Variants in NDRG1 observed in about 807,000 individuals in gnomAD.
The protein encoded by NDRG1 is protein NDRG1.
Under a neutral mutation model 56.9 loss-of-function variants are expected in NDRG1, and 32 were observed. The ratio of observed to expected loss-of-function variants is 0.56; its 90% CI spans 0.42 to 0.76. The LOEUF (loss-of-function observed/expected upper bound fraction) is 0.76, where lower values mean the gene tolerates loss of function less well. Among genes scored for constraint, NDRG1 ranks in the 30% least tolerant of loss-of-function variants. The pLI is 0.00. For synonymous variants in NDRG1, 211 were observed against 204.1 expected (o/e 1.03, Z -0.29); for missense variants, 507 against 545.7 (o/e 0.93, Z 0.71).
At position 133,280,265 on chromosome 8, in the gene NDRG1, G is replaced by C. The variant is rs750023131; in HGVS notation, c.66C>G (p.Thr22=). The C allele has an allele frequency of 6.2e-7, 1 of 1,614,042 alleles. No homozygotes were observed. Among genetic ancestry groups the C allele is most frequent in the Non-Finnish European group, 8.5e-7 (1 of 1,179,970 alleles). Residue 22 remains threonine (T), a splice_region_variant and synonymous_variant, in exon 3 of 16, where the codon ACC becomes ACG. Transcript: ENST00000323851. ...EVKPLVEKGE[T]ITGLLQEFDV... Reference sequence around the variant, plus strand: ...CAAACTCTTGCAGGAGGCCGGTGATGGTCTGTGAAAAGACAAAAAAAATTG... The same window carrying C: ...CAAACTCTTGCAGGAGGCCGGTGATCGTCTGTGAAAAGACAAAAAAAATTG...
In NDRG1 at chr8:133,259,177, T is replaced by C; in HGVS notation, c.380A>G (p.Gln127Arg). The part of the protein sequence containing the change: ...QLAEMLPGVL[Q>R]QFGLKSIIGM... Reference sequence around the variant, plus strand: ...GATCCTTCGCTCTTACCCAAACTGTTGAAGGACTCCAGGAAGCATTTCAGC... The same window carrying C: ...GATCCTTCGCTCTTACCCAAACTGTCGAAGGACTCCAGGAAGCATTTCAGC... Residue 127 changes from glutamine (Q) to arginine (R), a missense_variant, in exon 6 of 16, where the codon CAA becomes CGA. Coordinates refer to ENST00000323851, the MANE Select transcript of NDRG1 (RefSeq NM_006096.4). 1 of 1,614,120 alleles carries C rather than the reference T, an allele frequency of 6.2e-7. No individual in the cohort carries two copies. The highest frequency in any genetic ancestry group is 8.5e-7 in the Non-Finnish European group (1 of 1,179,996).
chr8:133,258,412 A>G lies in NDRG1; in HGVS notation c.404T>C (p.Ile135Thr). The G allele has an allele frequency of 1.2e-6, 2 of 1,611,720 alleles. No homozygotes were observed. The highest frequency in any genetic ancestry group is 8.5e-7 in the Non-Finnish European group (1 of 1,178,970). ...GGCGCCTGCTCCTGTTCCCATGCCA[A>G]TAATGCTTTTCAGCCTGGAAGCAAA... ...VLQQFGLKSI[I>T]GMGTGAGAYI... The change falls in exon 7 of 16, where the codon ATT (isoleucine) becomes ACT (threonine). Residue 135 changes from isoleucine (I) to threonine (T), a missense_variant. Transcript: ENST00000323851.
At chr8:133,274,065 A>T (rs1857334159) in intron 3 of NDRG1, among the ~76,000 whole-genome samples, 1 of 152,226 alleles carries the variant, frequency 6.6e-6, no homozygotes, top group Non-Finnish European at 1.5e-5. Flanking sequence ...CAGGAACCAG[A>T]GCCAGGTGGG....
chr8:133,248,523 C>G (rs1333979481), intron 11 of NDRG1, among the ~76,000 whole-genome samples, 192 bp downstream of exon 11: 1 of 152,204 alleles, frequency 6.6e-6, no homozygotes. Flanking sequence ...TGGGGACACC[C>G]TAGAAACGGA....
At chr8:133,259,980 G>T (rs1184640315) in intron 5 of NDRG1, among the ~76,000 whole-genome samples, 1 of 152,210 alleles carries the variant, frequency 6.6e-6, no homozygotes, top group East Asian at 1.9e-4. Flanking sequence ...CCTGGGAAGA[G>T]CCAGAAAGAG....
At chr8:133,276,566 T>C (rs776763983) in intron 3 of NDRG1, among the ~76,000 whole-genome samples, 2 of 152,198 alleles carry the variant, frequency 1.3e-5, no homozygotes, top group Non-Finnish European at 2.9e-5. Context: ...TGATAGTGAA[T>C]GAGTCTCAAG....
At chr8:133,261,263 G>A (rs887495705) in intron 5 of NDRG1, among the ~76,000 whole-genome samples, 4 of 152,032 alleles carry the variant, frequency 2.6e-5, no homozygotes, top group South Asian at 2.1e-4. Context: ...CCGCCACCAC[G>A]CCCAGCTCAT....
At chr8:133,251,818 T>C (rs1856063397) in intron 9 of NDRG1, among the ~76,000 whole-genome samples, 1 of 152,138 alleles carries the variant, frequency 6.6e-6, no homozygotes. Flanking sequence ...TGAGATGAGA[T>C]AATCCTGGAT....
intron 6 of NDRG1, among the ~76,000 whole-genome samples, chr8:133,258,680 G>A (rs1035359055): frequency 2.0e-5 from 3 of 152,208 alleles, no homozygotes; most frequent in South Asian, 2.1e-4. Flanking sequence ...GACATTTACG[G>A]GAAGGCCCGT....
chr8:133,252,517 T>C (rs997426662), intron 9 of NDRG1, among the ~76,000 whole-genome samples: 4 of 152,060 alleles, frequency 2.6e-5, no homozygotes, highest in African/African-American at 9.7e-5. Context: ...TCTGTTCCCC[T>C]GGTACACTCG....
At chr8:133,247,795 C>T in intron 12 of NDRG1, 80 bp downstream of exon 12, 1 of 1,445,578 alleles carries the variant, frequency 6.9e-7, no homozygotes. Flanking sequence ...AGAGGAGGGG[C>T]AGGCAGGGCC....
intron 9 of NDRG1, 47 bp from the exon 10 acceptor site, chr8:133,250,590 T>G: frequency 6.8e-7 from 1 of 1,474,522 alleles, no homozygotes; most frequent in Non-Finnish European, 9.5e-7. Context: ...ACTGTGGCCC[T>G]GAGCTGGTCA....
At chr8:133,286,865 T>G (rs1347362371) in intron 1 of NDRG1, among the ~76,000 whole-genome samples, 1 of 152,164 alleles carries the variant, frequency 6.6e-6, no homozygotes, top group Admixed American at 6.5e-5. Context: ...CTGGGGGGAC[T>G]GTGGGGGCTG....
At chr8:133,290,466 A>C (rs1033092759) in intron 1 of NDRG1, among the ~76,000 whole-genome samples, 1 of 152,182 alleles carries the variant, frequency 6.6e-6, no homozygotes, top group Admixed American at 6.5e-5. Context: ...AGGCATCAAG[A>C]GGTTAAGATG....
At chr8:133,242,138 G>T in intron 14 of NDRG1, 64 bp from the exon 15 acceptor site, 2 of 1,555,126 alleles carry the variant, frequency 1.3e-6, no homozygotes, top group African/African-American at 2.7e-5. Context: ...CGAGGCCATG[G>T]GGGGCTGTGC....
chr8:133,255,921 G>A (rs1299210913), intron 8 of NDRG1: 1 of 154,078 alleles, frequency 6.5e-6, no homozygotes, highest in East Asian at 1.9e-4. Context: ...ACACCACAAT[G>A]ATAATTTTTA....
chr8:133,284,201 A>G, intron 2 of NDRG1, 48 bp downstream of exon 2: 1 of 1,565,490 alleles, frequency 6.4e-7, no homozygotes, highest in Non-Finnish European at 8.8e-7. Context: ...GTGTGTGTCT[A>G]TGTGCACATG....
chr8:133,294,069 G>A (rs1332728854), intron 1 of NDRG1, among the ~76,000 whole-genome samples: 1 of 152,156 alleles, frequency 6.6e-6, no homozygotes, highest in Non-Finnish European at 1.5e-5. Context: ...TACACATTCT[G>A]ATGGCATCAT....
At chr8:133,293,279 C>T (rs1858529398) in intron 1 of NDRG1, among the ~76,000 whole-genome samples, 2 of 152,196 alleles carry the variant, frequency 1.3e-5, no homozygotes, top group African/African-American at 4.8e-5. Flanking sequence ...CAAGTGGACA[C>T]GCGGTACTTC....
Sources: gnomAD v4.1 joint callset for allele counts (sites outside exome capture counted in the v4.1 genomes callset) on GRCh38, gnomAD v4.1.1 for gene constraint, MANE v1.5 for transcripts, NCBI Gene and HGNC (gene_info 2026-07-23, HGNC 2026-07-21) for gene names.